ATXN7: variants seen among roughly 807,000 people sequenced by gnomAD.
ATXN7 encodes ataxin 7.
In ATXN7, 12 loss-of-function variants were observed where a neutral mutation model predicts 70.5. The ratio of observed to expected loss-of-function variants is 0.17; its 90% CI spans 0.11 to 0.28. The LOEUF (loss-of-function observed/expected upper bound fraction) is 0.28, where lower values mean the gene tolerates loss of function less well. Among genes scored for constraint, ATXN7 ranks in the 10% least tolerant of loss-of-function variants. ATXN7 has a pLI of 1.00. For synonymous variants in ATXN7, 498 were observed against 448.7 expected (o/e 1.11, Z -1.39); for missense variants, 1,256 against 1,131.7 (o/e 1.11, Z -1.58).
At chr3:63,905,249 TCGCC>T (rs1703797174) in intron 2 of ATXN7, 1 of 152,148 alleles carries the variant, frequency 6.6e-6, no homozygotes, top group South Asian at 2.1e-4. Flanking sequence ...TCTTATTCTG[TCGCC>T]AGACTGGAGT....
At position 63,949,693 on chromosome 3, in the gene ATXN7, T is replaced by TG. The variant is rs202228933; in HGVS notation, c.395-2684dup. 3.3e-3 allele frequency among the ~76,000 whole-genome samples: 497 copies of TG among 152,250 alleles called. 2 individuals are homozygous for TG. The highest frequency in any genetic ancestry group is 0.011 in the African/African-American group (444 of 41,528). ...AATTACAGGCATGAGCCACCGCGCC[T>TG]GGCCCAGGGAGCTCAGTTTCATAGG... On this transcript the variant is annotated intron_variant, in intron 4 of 12. Coordinates refer to ENST00000674280, the MANE Select transcript of ATXN7 (RefSeq NM_001377405.1).
At chr3:63,963,004 C>T (rs2075157575) in intron 5 of ATXN7, among the ~76,000 whole-genome samples, 1 of 151,668 alleles carries the variant, frequency 6.6e-6, no homozygotes, top group South Asian at 2.1e-4. Flanking sequence ...TAACCCCCAC[C>T]TCCCGGGCTC....
In ATXN7 at chr3:63,990,802, G is replaced by A. The variant is rs370189575; in HGVS notation, c.1625G>A (p.Arg542Gln). The A allele has an allele frequency of 1.1e-5, 17 of 1,614,082 alleles. No homozygotes were observed. Among genetic ancestry groups the A allele is most frequent in the South Asian group, 4.4e-5 (4 of 91,078 alleles). Reference sequence around the variant, plus strand: ...TACGTGTTTGACTCCAGGTGGAATCGACTTCGCTGCGCCCTCAACCTCATG... The same window carrying A: ...TACGTGTTTGACTCCAGGTGGAATCAACTTCGCTGCGCCCTCAACCTCATG... ...GYYVFDSRWN[R>Q]LRCALNLMVE... Residue 542 changes from arginine (R) to glutamine (Q), a missense_variant, in exon 11 of 13, where the codon CGA (arginine) becomes CAA (glutamine). Transcript: ENST00000674280.
Position 63,872,281 on chromosome 3 carries a change from A to T in ATXN7, c.-111+8123A>T, listed in dbSNP as rs554791819. ...GTCTGTCAGTTATCTATTGTTAACA[A>T]CCCATTCCAAAAGTTTGTGGCTTAA... On this transcript the variant is annotated intron_variant, in intron 1 of 12. Coordinates refer to ENST00000674280, the MANE Select transcript of ATXN7 (RefSeq NM_001377405.1). 7.9e-5 allele frequency among the ~76,000 whole-genome samples: 12 copies of T among 152,352 alleles called. 1 individual carries two copies. The South Asian group carries it at 2.5e-3, about 32-fold the overall frequency.
intron 1 of ATXN7, among the ~76,000 whole-genome samples, chr3:63,895,955 C>G (rs544358071): frequency 7.9e-5 from 12 of 152,206 alleles, no homozygotes; most frequent in Non-Finnish European, 1.6e-4. Flanking sequence ...TTAGAGGTAG[C>G]TTGCAGCCTC....
intron 1 of ATXN7, among the ~76,000 whole-genome samples, chr3:63,885,216 A>G (rs551326169): frequency 2.0e-5 from 3 of 152,350 alleles, no homozygotes; most frequent in African/African-American, 7.2e-5. Context: ...CAAACCATAT[A>G]TCTGATAAGG....
intron 5 of ATXN7, among the ~76,000 whole-genome samples, chr3:63,974,863 G>T (rs1231246940): frequency 6.6e-6 from 1 of 152,200 alleles, no homozygotes; most frequent in Non-Finnish European, 1.5e-5. Flanking sequence ...CAGCTTGTGA[G>T]TTACCATGAG....
intron 12 of ATXN7, chr3:63,997,673 G>A: frequency 6.4e-7 from 1 of 1,552,054 alleles, no homozygotes; most frequent in Admixed American, 2.0e-5. Context: ...TCACCCCAGA[G>A]CCCTGACTTA....
intron 5 of ATXN7, among the ~76,000 whole-genome samples, chr3:63,961,308 A>G (rs2075126895): frequency 6.6e-6 from 1 of 152,204 alleles, no homozygotes; most frequent in South Asian, 2.1e-4. Flanking sequence ...ACTGCCTGTT[A>G]TTCCACTTTA....
At chr3:63,954,137 A>G (rs2075000504) in intron 5 of ATXN7, among the ~76,000 whole-genome samples, 1 of 152,170 alleles carries the variant, frequency 6.6e-6, no homozygotes, top group African/African-American at 2.4e-5. Context: ...TAGAGTGGGT[A>G]CAGAGGTGGA....
Position 64,001,418 on chromosome 3 carries a change from C to G in ATXN7, c.*1951C>G, listed in dbSNP as rs905213487. 1 of 152,084 alleles carries G rather than the reference C, an allele frequency of 6.6e-6. No homozygotes were observed. The highest frequency in any genetic ancestry group is 1.5e-5 in the Non-Finnish European group (1 of 68,024). The allele number at this position is 152,084 out of a possible 1,614,324, so 9.4% of individuals were successfully genotyped here. A position where few individuals can be genotyped will look rare whatever the true frequency, so the allele number is the denominator to read the frequency against. On this transcript the variant is annotated 3_prime_UTR_variant, in exon 13 of 13. Coordinates refer to ENST00000674280, the MANE Select transcript of ATXN7 (RefSeq NM_001377405.1). The stretch of plus-strand genomic sequence containing the variant: ...AGAGAGAGGTGAGAGGGAATCAGAA[C>G]GTACCTAGTTGATTCCTTGGTGACA...
At chr3:63,865,452 G>C (rs1002923793) in intron 1 of ATXN7, 2 of 152,132 alleles carry the variant, frequency 1.3e-5, no homozygotes, top group African/African-American at 4.8e-5. Context: ...ATCAGACCCT[G>C]TTCATTTCCT....
intron 5 of ATXN7, among the ~76,000 whole-genome samples, chr3:63,973,216 T>C (rs1030960507): frequency 3.9e-5 from 6 of 152,050 alleles, no homozygotes; most frequent in Non-Finnish European, 4.4e-5. Context: ...TTAAAAAGTG[T>C]TTTTATTTGA....
intron 1 of ATXN7, among the ~76,000 whole-genome samples, chr3:63,885,255 C>G (rs913951116): frequency 1.3e-5 from 2 of 151,988 alleles, no homozygotes; most frequent in African/African-American, 4.8e-5. Context: ...ATAAGGAACT[C>G]AATAACAAAA....
At chr3:63,929,336 C>T (rs1244130691) in intron 4 of ATXN7, among the ~76,000 whole-genome samples, 1 of 150,116 alleles carries the variant, frequency 6.7e-6, no homozygotes, top group Non-Finnish European at 1.5e-5. Context: ...GCAGTGGCGC[C>T]ATCTCGGCTC....
At position 63,913,239 on chromosome 3, in the gene ATXN7, C is replaced by T; in HGVS notation, c.394+14C>T. 2.5e-6 allele frequency: 4 copies of T among 1,612,662 alleles called. No homozygotes were observed. The South Asian group carries it at 4.4e-5, about 18-fold the overall frequency. Reference sequence around the variant, plus strand: ...TCTGTCGGGAAGGTGAGTCCAGCCCCCCTGATGGAGTTTGTACAAACCCCT... The same window carrying T: ...TCTGTCGGGAAGGTGAGTCCAGCCCTCCTGATGGAGTTTGTACAAACCCCT... On this transcript the variant is annotated intron_variant, in intron 4 of 12. Transcript: ENST00000674280.
At chr3:63,895,514 G>T (rs1021674788) in intron 1 of ATXN7, among the ~76,000 whole-genome samples, 1 of 148,432 alleles carries the variant, frequency 6.7e-6, no homozygotes, top group African/African-American at 2.5e-5. Context: ...TTTTGTTGCA[G>T]TTATCACAAA....
intron 1 of ATXN7, among the ~76,000 whole-genome samples, chr3:63,886,080 A>G (rs889500492): frequency 7.2e-5 from 11 of 152,336 alleles, no homozygotes; most frequent in African/African-American, 2.6e-4. Flanking sequence ...GCTTTAAAAA[A>G]GAAGGAAATC....
chr3:63,999,826 A>AT lies in ATXN7; in HGVS notation c.*360dup. ...TCAAGTAGATTGGCTGGGCAAAAGA[A>AT]TGTTTTGGCAAGAGCGTTACTGTAG... is the stretch of plus-strand genomic sequence containing the variant. On this transcript the variant is annotated 3_prime_UTR_variant, in exon 13 of 13. Coordinates refer to ENST00000674280, the MANE Select transcript of ATXN7 (RefSeq NM_001377405.1). 2.4e-6 allele frequency: 1 copy of AT among 420,746 alleles called. No individual in the cohort carries two copies. The highest frequency in any genetic ancestry group is 4.4e-6 in the Non-Finnish European group (1 of 229,660). 26.1% of individuals were successfully genotyped at this position (420,746 alleles called of 1,614,324 possible).
Sources: allele counts gnomAD v4.1 joint callset (sites outside exome capture counted in the v4.1 genomes callset), GRCh38; gene constraint gnomAD v4.1.1; transcripts MANE v1.5; gene names NCBI Gene and HGNC (gene_info 2026-07-23, HGNC 2026-07-21).